Variants in CSMD1 observed in about 807,000 individuals in gnomAD.
The protein encoded by CSMD1 is CUB and Sushi multiple domains 1, also known as CUB and sushi domain-containing protein 1.
Under a neutral mutation model 417.5 loss-of-function variants are expected in CSMD1, and 213 were observed. That is an observed-to-expected ratio of 0.51 (90% CI 0.46 to 0.57). The LOEUF (loss-of-function observed/expected upper bound fraction) is 0.57, where lower values mean the gene tolerates loss of function less well. Ranked by LOEUF, CSMD1 falls within the 20% of genes least tolerant of loss-of-function variation. The pLI, the probability that CSMD1 is intolerant of heterozygous loss-of-function variation, is 0.00. For missense variants in CSMD1, 6,923 were observed against 4,529.7 expected, an observed-to-expected ratio of 1.53 and a Z score of -15.17; for synonymous variants, 2,862 against 1,736.8, an observed-to-expected ratio of 1.65 and a Z score of -16.11.
intron 2 of CSMD1, among the ~76,000 whole-genome samples, chr8:4,530,148 T>C (rs1381915279): frequency 2.0e-5 from 3 of 151,478 alleles, no homozygotes; most frequent in Non-Finnish European, 4.4e-5. Flanking sequence ...CTCCTGACCT[T>C]GTGATCTGCC....
At chr8:3,311,811 GAC>G (rs1242684299) in intron 23 of CSMD1, among the ~76,000 whole-genome samples, 1 of 151,918 alleles carries the variant, frequency 6.6e-6, no homozygotes, top group Non-Finnish European at 1.5e-5. Flanking sequence ...CTTCACTGGA[GAC>G]ATGTGTAATA....
intron 2 of CSMD1, among the ~76,000 whole-genome samples, chr8:4,465,096 C>T (rs932540545): frequency 6.6e-6 from 1 of 152,154 alleles, no homozygotes; most frequent in Admixed American, 6.5e-5. Context: ...ACGGTTTTCA[C>T]TGGGAGACAC....
chr8:4,797,610 A>G (rs1245827625), intron 1 of CSMD1, among the ~76,000 whole-genome samples: 3 of 152,204 alleles, frequency 2.0e-5, no homozygotes, highest in Non-Finnish European at 4.4e-5. Context: ...GGGAGAGAGA[A>G]AAAGAGATTG....
At chr8:3,998,837 A>G (rs531518553) in intron 4 of CSMD1, among the ~76,000 whole-genome samples, 1 of 150,984 alleles carries the variant, frequency 6.6e-6, no homozygotes, top group East Asian at 1.9e-4. Context: ...TTTATCTATT[A>G]CAAAATATTA....
intron 2 of CSMD1, among the ~76,000 whole-genome samples, chr8:4,525,696 G>T (rs1365487390): frequency 1.2e-4 from 19 of 152,168 alleles, no homozygotes; most frequent in Non-Finnish European, 1.8e-4. Context: ...AATAATAGAA[G>T]TCTCCCAAGC....
chr8:4,593,066 A>G (rs1457452122), intron 2 of CSMD1, among the ~76,000 whole-genome samples: 1 of 152,248 alleles, frequency 6.6e-6, no homozygotes, highest in Non-Finnish European at 1.5e-5. Flanking sequence ...GTGTCATCTC[A>G]TCCTGCGATA....
At chr8:3,062,112 C>T (rs1207729932) in intron 49 of CSMD1, among the ~76,000 whole-genome samples, 1 of 152,176 alleles carries the variant, frequency 6.6e-6, no homozygotes, top group Non-Finnish European at 1.5e-5. Context: ...ACAAAGGCCA[C>T]ATTGAATTTG....
intron 2 of CSMD1, among the ~76,000 whole-genome samples, chr8:4,561,274 T>C (rs1798318590): frequency 6.6e-6 from 1 of 152,176 alleles, no homozygotes; most frequent in Non-Finnish European, 1.5e-5. Flanking sequence ...CCTGGGAGGC[T>C]GAGGCAGGGG....
At chr8:4,883,199 A>G (rs1029651849) in intron 1 of CSMD1, among the ~76,000 whole-genome samples, 2 of 152,096 alleles carry the variant, frequency 1.3e-5, no homozygotes, top group African/African-American at 4.8e-5. Flanking sequence ...TGCTAGCAGA[A>G]CATGACGTCT....
intron 5 of CSMD1, among the ~76,000 whole-genome samples, chr8:3,802,661 A>C (rs116503696): frequency 0.015 from 2,319 of 152,244 alleles, 57 homozygotes; most frequent in African/African-American, 0.052. Flanking sequence ...TTGTCACTTT[A>C]CTTCTCTACT....
At chr8:4,251,683 C>T (rs928580777) in intron 3 of CSMD1, among the ~76,000 whole-genome samples, 2 of 151,998 alleles carry the variant, frequency 1.3e-5, no homozygotes, top group Non-Finnish European at 2.9e-5. Flanking sequence ...TGGTGGGGAG[C>T]AAAGACCTTG....
rs1309489631 is a variant in CSMD1, at chr8:3,926,079, CCATACA to C, written c.818+71818_818+71823del. ...ACACACACACACACACACACAAACA[CCATACA>C]CACACACACACACACACACACACAC... On this transcript the variant is annotated intron_variant, in intron 5 of 69. Transcript: ENST00000635120. Among the ~76,000 whole-genome samples, 36 of 81,428 alleles carry C rather than the reference CCATACA, an allele frequency of 4.4e-4. No homozygotes were observed. In the East Asian group the frequency reaches 6.7e-3, roughly 15 times the overall value. The allele number at this position is 81,428 out of a possible 152,430, so 53.4% of individuals were successfully genotyped here.
intron 7 of CSMD1, among the ~76,000 whole-genome samples, chr8:3,662,913 G>T (rs564195510): frequency 9.9e-5 from 15 of 151,940 alleles, no homozygotes; most frequent in Non-Finnish European, 1.5e-4. Flanking sequence ...CTAGATGATG[G>T]GTTGATAGGT....
intron 3 of CSMD1, among the ~76,000 whole-genome samples, chr8:4,198,192 G>C (rs555017777): frequency 6.6e-5 from 10 of 152,308 alleles, no homozygotes; most frequent in African/African-American, 2.2e-4. Flanking sequence ...ATTCCAAGCA[G>C]AGAGTCCAAG....
intron 10 of CSMD1, among the ~76,000 whole-genome samples, chr8:3,494,276 G>C (rs10103966): frequency 0.75 from 113,533 of 151,966 alleles, 42,570 homozygotes; most frequent in Middle Eastern, 0.84. Flanking sequence ...GTCATGATGA[G>C]CAGCACCAAG....
At chr8:4,721,426 G>T (rs1169653800) in intron 1 of CSMD1, among the ~76,000 whole-genome samples, 2 of 152,150 alleles carry the variant, frequency 1.3e-5, no homozygotes, top group South Asian at 2.1e-4. Context: ...CTACAAATCA[G>T]ATTCTGAACA....
intron 1 of CSMD1, among the ~76,000 whole-genome samples, chr8:4,696,949 A>G (rs1378986641): frequency 6.6e-6 from 1 of 152,166 alleles, no homozygotes; most frequent in Non-Finnish European, 1.5e-5. Flanking sequence ...CGAGCTGGGT[A>G]GATCATGAGG....
chr8:4,967,613 A>G (rs140071930), intron 1 of CSMD1, among the ~76,000 whole-genome samples: 1 of 152,296 alleles, frequency 6.6e-6, no homozygotes, highest in East Asian at 1.9e-4. Context: ...CAGTACCTAT[A>G]CTTCGGTTCT....
Position 3,156,539 on chromosome 8 carries a change from G to A in CSMD1, c.5914+1358C>T, listed in dbSNP as rs568189436. 3.3e-5 allele frequency among the ~76,000 whole-genome samples: 5 copies of A among 152,228 alleles called. No individual in the cohort carries two copies. In the East Asian group the frequency reaches 5.8e-4, roughly 18 times the overall value. On this transcript the variant is annotated intron_variant, in intron 39 of 69. Coordinates refer to ENST00000635120, the MANE Select transcript of CSMD1 (RefSeq NM_033225.6). ...AGGCACATGGTGGTGGTAGCCCAGG[G>A]TAGAGATGACTCACTGCACCTGCAG...
Sources: allele counts gnomAD v4.1 joint callset (sites outside exome capture counted in the v4.1 genomes callset), GRCh38; gene constraint gnomAD v4.1.1; transcripts MANE v1.5; gene names NCBI Gene and HGNC (gene_info 2026-07-23, HGNC 2026-07-21).